TCF7L2: variants seen among roughly 807,000 people sequenced by gnomAD.
TCF7L2 encodes the protein transcription factor 7 like 2.
In TCF7L2, 23 loss-of-function variants were observed where a neutral mutation model predicts 77.9. The ratio of observed to expected loss-of-function variants is 0.30; its 90% confidence interval spans 0.21 to 0.42. TCF7L2 has a LOEUF of 0.42. TCF7L2 is among the 10% of genes least tolerant of loss of function. The probability of loss-of-function intolerance (pLI) is 1.00; values close to 1 mark genes in which losing one functional copy is unlikely to be tolerated. For synonymous variants in TCF7L2, 413 were observed against 340.2 expected (o/e 1.21, Z -2.36); for missense variants, 654 against 793.1 (o/e 0.82, Z 2.11).
rs112033584 is a variant in TCF7L2, at chr10:113,112,607, A to G, written c.553-28577A>G. Among the ~76,000 whole-genome samples the G allele has an allele frequency of 3.9e-5, 6 of 152,308 alleles. 1 individual carries two copies. Among genetic ancestry groups the G allele is most frequent in the African/African-American group, 1.2e-4 (5 of 41,572 alleles). ...TGCTTACTTAATAGTGTTTAAATCA[A>G]CTTACTGGATTTGGGTGCCTTTCCT... On this transcript the variant is annotated intron_variant, in intron 5 of 13. Coordinates refer to ENST00000627217, the MANE Select transcript of TCF7L2 (RefSeq NM_001146274.2).
At chr10:113,013,829 A>C (rs1461286644) in intron 4 of TCF7L2, among the ~76,000 whole-genome samples, 1 of 152,094 alleles carries the variant, frequency 6.6e-6, no homozygotes, top group Admixed American at 6.5e-5. Context: ...AGATGATATT[A>C]TTGGTATTTA....
At chr10:112,966,976 C>G (rs1049077275) in intron 4 of TCF7L2, among the ~76,000 whole-genome samples, 1 of 152,204 alleles carries the variant, frequency 6.6e-6, no homozygotes, top group South Asian at 2.1e-4. Flanking sequence ...CCCTCAGTCT[C>G]TGCTAGACCC....
chr10:113,165,497 C>T, intron 13 of TCF7L2, 58 bp from the exon 15 acceptor site: 1 of 1,578,406 alleles, frequency 6.3e-7, no homozygotes, highest in South Asian at 1.1e-5. Context: ...CATTAGGTAA[C>T]TCTCTCCCTT....
At chr10:113,006,304 T>C (rs945482370) in intron 4 of TCF7L2, among the ~76,000 whole-genome samples, 4 of 152,218 alleles carry the variant, frequency 2.6e-5, no homozygotes, top group Admixed American at 2.6e-4. Context: ...TCTTACTTTT[T>C]GTATTTCCAG....
At chr10:113,154,357 G>A (rs1024916643) in intron 11 of TCF7L2, among the ~76,000 whole-genome samples, 1 of 152,166 alleles carries the variant, frequency 6.6e-6, no homozygotes, top group African/African-American at 2.4e-5. Flanking sequence ...GCTTCTACCT[G>A]CTACAGACCC....
At chr10:113,030,779 T>G (rs528196085) in intron 4 of TCF7L2, among the ~76,000 whole-genome samples, 1 of 152,338 alleles carries the variant, frequency 6.6e-6, no homozygotes, top group East Asian at 1.9e-4. Context: ...TTCATGTCCT[T>G]TAACCTCCTG....
chr10:112,957,562 A>G (rs71483165), intron 3 of TCF7L2, among the ~76,000 whole-genome samples: 1 of 152,224 alleles, frequency 6.6e-6, no homozygotes, highest in Non-Finnish European at 1.5e-5. Context: ...TAAGAAAAGT[A>G]TAATACAAGA....
At chr10:113,060,261 A>G (rs1401428924) in intron 5 of TCF7L2, among the ~76,000 whole-genome samples, 1 of 152,238 alleles carries the variant, frequency 6.6e-6, no homozygotes, top group Non-Finnish European at 1.5e-5. Flanking sequence ...GAGATCCAGA[A>G]TTCTGTTCAC....
chr10:113,124,773 A>G (rs569482970), intron 5 of TCF7L2, among the ~76,000 whole-genome samples: 2 of 151,366 alleles, frequency 1.3e-5, no homozygotes, highest in South Asian at 4.2e-4. Context: ...GTTTTCTGCT[A>G]CTGGGCTGAT....
At chr10:113,063,003 G>C (rs150294622) in intron 5 of TCF7L2, among the ~76,000 whole-genome samples, 112 of 152,226 alleles carry the variant, frequency 7.4e-4, no homozygotes, top group Non-Finnish European at 1.2e-3. Context: ...TTTTACATTC[G>C]AGGAAGCAAT....
At chr10:113,045,171 A>G (rs533915225) in intron 5 of TCF7L2, among the ~76,000 whole-genome samples, 1 of 152,260 alleles carries the variant, frequency 6.6e-6, no homozygotes, top group African/African-American at 2.4e-5. Context: ...GCAAATATTT[A>G]GTGTGGGAAA....
chr10:113,063,029 T>A (rs940431128), intron 5 of TCF7L2, among the ~76,000 whole-genome samples: 1 of 152,220 alleles, frequency 6.6e-6, no homozygotes, highest in Non-Finnish European at 1.5e-5. Flanking sequence ...GAATGAATTC[T>A]GGACCTGCGA....
chr10:112,992,760 TTTTC>T (rs964916817), intron 4 of TCF7L2, among the ~76,000 whole-genome samples: 3 of 151,582 alleles, frequency 2.0e-5, no homozygotes, highest in Non-Finnish European at 4.4e-5. Context: ...TCTCTTATAT[TTTTC>T]TTTCTTTTTT....
intron 5 of TCF7L2, among the ~76,000 whole-genome samples, chr10:113,134,802 G>T (rs539388335): frequency 1.3e-5 from 2 of 152,216 alleles, no homozygotes; most frequent in African/African-American, 4.8e-5. Flanking sequence ...GGGCTGGTAA[G>T]TGAAGACCCC....
chr10:112,957,968 C>T lies in TCF7L2; in HGVS notation c.381+6361C>T, dbSNP rs566591677. Among the ~76,000 whole-genome samples, 5 of 152,304 alleles carry T rather than the reference C, an allele frequency of 3.3e-5. No homozygotes were observed. The East Asian group carries it at 7.7e-4, about 24-fold the overall frequency. ...GCTCTCATTTCTGACTGGATCCTTC[C>T]TTCCATCCAACCCAAACTTAAAGAC... On this transcript the variant is annotated intron_variant, in intron 3 of 13. Transcript: ENST00000627217.
At chr10:112,996,985 G>C (rs147559019) in intron 4 of TCF7L2, among the ~76,000 whole-genome samples, 2 of 152,236 alleles carry the variant, frequency 1.3e-5, no homozygotes, top group African/African-American at 4.8e-5. Flanking sequence ...TGTTGGTGTG[G>C]TGAGGAGCTG....
chr10:113,118,029 A>G (rs2064118340), intron 5 of TCF7L2, among the ~76,000 whole-genome samples: 1 of 145,776 alleles, frequency 6.9e-6, no homozygotes, highest in Non-Finnish European at 1.5e-5. Flanking sequence ...GACTGCAAAA[A>G]CCAAGTTTTT....
chr10:112,960,781 C>T (rs1460148584), intron 3 of TCF7L2, among the ~76,000 whole-genome samples: 4 of 151,898 alleles, frequency 2.6e-5, no homozygotes, highest in South Asian at 4.2e-4. Flanking sequence ...TCTGCCTTCC[C>T]GGCTCAAGCA....
intron 13 of TCF7L2, among the ~76,000 whole-genome samples, chr10:113,162,511 A>C (rs2073329857): frequency 6.6e-6 from 1 of 152,184 alleles, no homozygotes; most frequent in South Asian, 2.1e-4. Flanking sequence ...ATATAAAAAA[A>C]AAATCTGCCA....
Sources: allele counts gnomAD v4.1 joint callset (sites outside exome capture counted in the v4.1 genomes callset), GRCh38; gene constraint gnomAD v4.1.1; transcripts MANE v1.5; gene names NCBI Gene and HGNC (gene_info 2026-07-23, HGNC 2026-07-21).